Variants in VPS13B observed in about 807,000 individuals in gnomAD.
VPS13B encodes intermembrane lipid transfer protein VPS13B.
VPS13B carries 285 observed loss-of-function variants against 426.4 expected under a neutral mutation model. The observed-to-expected ratio is 0.67, with a 90% CI of 0.61 to 0.74. The LOEUF (loss-of-function observed/expected upper bound fraction) is 0.74, where lower values mean the gene tolerates loss of function less well. Among genes scored for constraint, VPS13B ranks in the 30% least tolerant of loss-of-function variants. VPS13B has a pLI of 0.00. For synonymous variants in VPS13B, 1,676 were observed against 1,676.4 expected (o/e 1.00, Z 0.01); for missense variants, 4,537 against 4,782.6 (o/e 0.95, Z 1.51).
At chr8:99,556,303 T>A in intron 30 of VPS13B, 147 bp from the exon 31 acceptor site, 1 of 827,468 alleles carries the variant, frequency 1.2e-6, no homozygotes, top group Non-Finnish European at 1.9e-6. Context: ...TTCTGAAACC[T>A]TTTTCATAGA....
chr8:99,781,442 T>C (rs1489759969), intron 42 of VPS13B, among the ~76,000 whole-genome samples: 2 of 152,222 alleles, frequency 1.3e-5, no homozygotes, highest in African/African-American at 4.8e-5. Context: ...CTTTTAATTA[T>C]GATTCCAAGT....
At chr8:99,130,157 C>A (rs1001751324) in intron 8 of VPS13B, among the ~76,000 whole-genome samples, 2 of 151,990 alleles carry the variant, frequency 1.3e-5, no homozygotes, top group Non-Finnish European at 2.9e-5. Context: ...TTAAAGTTTG[C>A]TCTTAGGGAA....
At chr8:99,624,032 T>C (rs1217529013) in intron 33 of VPS13B, among the ~76,000 whole-genome samples, 7 of 120,210 alleles carry the variant, frequency 5.8e-5, no homozygotes, top group Admixed American at 5.4e-4. Context: ...TTTTTTTTTT[T>C]CTGTGTGAAC....
intron 21 of VPS13B, among the ~76,000 whole-genome samples, chr8:99,400,065 G>T (rs1814951588): frequency 1.3e-5 from 2 of 152,120 alleles, no homozygotes; most frequent in Admixed American, 1.3e-4. Context: ...TTCAAGTTTT[G>T]CTTTCTATTT....
At chr8:99,803,395 G>T (rs978478879) in intron 43 of VPS13B, among the ~76,000 whole-genome samples, 7 of 152,128 alleles carry the variant, frequency 4.6e-5, no homozygotes, top group African/African-American at 1.7e-4. Flanking sequence ...CGACAATGCA[G>T]CCTCCATTAT....
chr8:99,188,960 A>G (rs1813385207), intron 16 of VPS13B, among the ~76,000 whole-genome samples: 1 of 152,042 alleles, frequency 6.6e-6, no homozygotes, highest in Non-Finnish European at 1.5e-5. Context: ...GAATTATGAG[A>G]GCGATCTCGG....
intron 19 of VPS13B, among the ~76,000 whole-genome samples, chr8:99,360,054 C>T (rs190306053): frequency 1.5e-3 from 223 of 150,626 alleles, no homozygotes; most frequent in African/African-American, 5.0e-3. Context: ...CTGCCCACCT[C>T]GGCCTCCCAA....
In VPS13B at chr8:99,832,414, G is replaced by T; in HGVS notation, c.9376G>T (p.Gly3126Ter). 6.4e-7 allele frequency: 1 copy of T among 1,563,996 alleles called. No homozygotes were observed. Residue 3126 changes from glycine (G) to a stop codon, truncating the protein, a stop_gained, in exon 52 of 62, where the codon GGA becomes TGA. Transcript: ENST00000357162. LOFTEE classifies it high-confidence loss of function. The part of the protein sequence containing the change: ...DSATFSICPG[G>*]EQPAMKSSSL... ...TGCTACTTTTAGCATTTGCCCAGGT[G>T]GAGAGCAGCCTGCTATGAAATCCAG...
intron 17 of VPS13B, among the ~76,000 whole-genome samples, chr8:99,247,192 T>C (rs1256262576): frequency 6.6e-6 from 1 of 152,188 alleles, no homozygotes; most frequent in Non-Finnish European, 1.5e-5. Context: ...TTTTTTTAAC[T>C]CCTTCTATTA....
chr8:99,746,659 A>G (rs1262285456), intron 39 of VPS13B, among the ~76,000 whole-genome samples: 1 of 152,198 alleles, frequency 6.6e-6, no homozygotes, highest in African/African-American at 2.4e-5. Flanking sequence ...TGTAGCTAGT[A>G]AGTGAGCCCA....
At chr8:99,427,846 A>G (rs969275233) in intron 21 of VPS13B, among the ~76,000 whole-genome samples, 1 of 152,150 alleles carries the variant, frequency 6.6e-6, no homozygotes, top group Non-Finnish European at 1.5e-5. Context: ...CTAAGCCAAA[A>G]GAACAAAGCT....
chr8:99,143,165 G>A lies in VPS13B; in HGVS notation c.1843G>A (p.Asp615Asn). ...TGAACCATATAGCAGGCTAAAATCA[G>A]GTTTGTTTCTGGATTAATTTTGAAT... is the stretch of plus-strand genomic sequence containing the variant. Reference protein sequence around the residue: ...EYEPYSRLKSDIKDENETILN... With the variant: ...EYEPYSRLKSNIKDENETILN... The change falls in exon 13 of 62, where the codon GAT (aspartate) becomes AAT (asparagine). Residue 615 changes from aspartate to asparagine, a missense_variant and splice_region_variant. By Grantham distance (23) the Asp-to-Asn change is conservative. Around this residue, in one of 2 missense-constraint regions of VPS13B, gnomAD observed 4,311 missense variants for 4,474.3 expected, o/e 0.96. Transcript: ENST00000357162. The A allele has an allele frequency of 1.2e-6, 2 of 1,613,870 alleles. No homozygotes were observed. Among genetic ancestry groups the A allele is most frequent in the Non-Finnish European group, 1.7e-6 (2 of 1,179,890 alleles).
chr8:99,245,545 C>T (rs960552168), intron 17 of VPS13B, among the ~76,000 whole-genome samples: 1 of 152,114 alleles, frequency 6.6e-6, no homozygotes, highest in African/African-American at 2.4e-5. Context: ...AATGCCTTGA[C>T]CTTAAATATG....
At position 99,156,530 on chromosome 8, in the gene VPS13B, G is replaced by A. The variant is rs945362630; in HGVS notation, c.2014-19G>A. On this transcript the variant is annotated intron_variant, in intron 14 of 61. Transcript: ENST00000357162. ...CTGCTCCACTTTTAAAATATAAAGCGAACACTATTATTTTCTAGAACTCAA... is the reference window on the plus strand; with the variant it reads ...CTGCTCCACTTTTAAAATATAAAGCAAACACTATTATTTTCTAGAACTCAA... 6.2e-6 allele frequency: 10 copies of A among 1,612,606 alleles called. No homozygotes were observed. The highest frequency in any genetic ancestry group is 2.2e-5 in the East Asian group (1 of 44,872).
intron 51 of VPS13B, 99 bp from the exon 52 acceptor site, chr8:99,832,270 A>AG: frequency 1.4e-6 from 2 of 1,410,694 alleles, no homozygotes; most frequent in Non-Finnish European, 9.3e-7. Flanking sequence ...AAAAAAAAAA[A>AG]AGAAAAGAAA....
chr8:99,055,871 G>A (rs10108567), intron 3 of VPS13B, among the ~76,000 whole-genome samples: 124,301 of 150,464 alleles, frequency 0.83, 51,859 homozygotes, highest in South Asian at 0.89. Flanking sequence ...CTGGGACCAC[G>A]GGCACATGCC....
chr8:99,516,200 C>T (rs112140406), intron 29 of VPS13B, among the ~76,000 whole-genome samples: 222 of 152,046 alleles, frequency 1.5e-3, no homozygotes, highest in African/African-American at 5.1e-3. Context: ...CATAATTCAC[C>T]CATGAAAAGG....
At chr8:99,193,114 T>C in intron 17 of VPS13B, 57 bp downstream of exon 17, 1 of 1,545,352 alleles carries the variant, frequency 6.5e-7, no homozygotes, top group South Asian at 1.1e-5. Context: ...AGGCAACTAA[T>C]ATTTTATTAT....
At chr8:99,244,224 T>C (rs1408334704) in intron 17 of VPS13B, among the ~76,000 whole-genome samples, 2 of 152,248 alleles carry the variant, frequency 1.3e-5, no homozygotes, top group Non-Finnish European at 2.9e-5. Context: ...CAAAGAAGTA[T>C]AACTGGCATT....
Sources: gnomAD v4.1 joint callset for allele counts (sites outside exome capture counted in the v4.1 genomes callset) on GRCh38, gnomAD v4.1.1 for gene constraint, gnomAD v4.1.1 regional missense constraint, MANE v1.5 for transcripts, NCBI Gene and HGNC (gene_info 2026-07-23, HGNC 2026-07-21) for gene names.